ARMC2: variants seen among roughly 807,000 people sequenced by gnomAD.
ARMC2 encodes the protein armadillo repeat-containing protein 2.
ARMC2 carries 67 observed loss-of-function variants against 90.3 expected under a neutral mutation model. The observed-to-expected ratio is 0.74, with a 90% confidence interval of 0.61 to 0.91. ARMC2 has a LOEUF of 0.91. ARMC2 is among the 40% of genes least tolerant of loss of function. ARMC2 has a pLI of 0.00. For synonymous variants in ARMC2, 393 were observed against 393.0 expected, an observed-to-expected ratio of 1.00 and a Z score of 0.00; for missense variants, 920 against 1,030.9, an observed-to-expected ratio of 0.89 and a Z score of 1.47.
At chr6:109,045,438 C>T in the ARMC2 span, among the ~76,000 whole-genome samples, 6 of 149,936 alleles carry the variant, frequency 4.0e-5, no homozygotes, top group Non-Finnish European at 4.4e-5. Flanking sequence ...AAAATAAAAT[C>T]CAGATTCTTC....
chr6:109,046,549 C>G, the ARMC2 span, among the ~76,000 whole-genome samples: 3 of 144,454 alleles, frequency 2.1e-5, no homozygotes, highest in Non-Finnish European at 3.1e-5. Flanking sequence ...CACCCATCGT[C>G]TGGGATGTGA....
intron 12 of ARMC2, among the ~76,000 whole-genome samples, chr6:108,937,833 T>A (rs1361476436): frequency 6.6e-6 from 1 of 152,148 alleles, no homozygotes. Context: ...TAGCTGGGAC[T>A]ACAGGCGTGC....
intron 8 of ARMC2, chr6:108,907,758 G>A (rs1772934794): frequency 1.9e-6 from 3 of 1,610,482 alleles, no homozygotes; most frequent in Non-Finnish European, 2.5e-6. Flanking sequence ...TAACCTCTTT[G>A]AAACGCTCCG....
chr6:108,931,377 T>C (rs1364661537), intron 11 of ARMC2, among the ~76,000 whole-genome samples: 2 of 151,984 alleles, frequency 1.3e-5, no homozygotes, highest in Non-Finnish European at 2.9e-5. Context: ...AGTGCTGCAA[T>C]GAACATTAGC....
intron 13 of ARMC2, among the ~76,000 whole-genome samples, chr6:108,959,747 G>A (rs955266889): frequency 1.3e-5 from 2 of 151,990 alleles, no homozygotes; most frequent in African/African-American, 2.4e-5. Context: ...GTGCAGTGGT[G>A]CAATCTTGGC....
intron 4 of ARMC2, among the ~76,000 whole-genome samples, chr6:108,871,460 A>C (rs1776407713): frequency 6.6e-6 from 1 of 152,174 alleles, no homozygotes; most frequent in Admixed American, 6.5e-5. Context: ...AGGGTTTGCC[A>C]AGATGAGAGG....
intron 4 of ARMC2, among the ~76,000 whole-genome samples, chr6:108,872,051 T>A (rs1351007990): frequency 1.3e-5 from 2 of 152,176 alleles, no homozygotes; most frequent in East Asian, 3.8e-4. Context: ...GCTCCCTGGG[T>A]TTCATTTCAG....
chr6:109,000,687 G>T, the ARMC2 span: 3 of 1,517,588 alleles, frequency 2.0e-6, no homozygotes, highest in African/African-American at 4.2e-5. Context: ...AAAACAAAAA[G>T]ATTATTCTAA....
chr6:108,965,376 T>C (rs2128515711), intron 17 of ARMC2, among the ~76,000 whole-genome samples: 1 of 151,466 alleles, frequency 6.6e-6, no homozygotes, highest in Non-Finnish European at 1.5e-5. Context: ...TATGGCTTTT[T>C]TTTTTTTTTT....
At chr6:108,934,394 G>A (rs942891162) in intron 11 of ARMC2, among the ~76,000 whole-genome samples, 4 of 152,056 alleles carry the variant, frequency 2.6e-5, no homozygotes, top group African/African-American at 9.7e-5. Flanking sequence ...TGCTGGGTTT[G>A]GTTAACTAAT....
intron 5 of ARMC2, among the ~76,000 whole-genome samples, chr6:108,893,903 A>G (rs181200316): frequency 3.0e-4 from 45 of 152,218 alleles, no homozygotes; most frequent in Non-Finnish European, 4.4e-4. Context: ...CTGTAATCCC[A>G]GCTACTGGGG....
At chr6:108,991,075 A>G in the ARMC2 span, among the ~76,000 whole-genome samples, 8 of 149,530 alleles carry the variant, frequency 5.4e-5, no homozygotes, top group Non-Finnish European at 1.0e-4. Flanking sequence ...TCAAAAAAAA[A>G]CAACAACAAA....
At chr6:108,909,271 G>T (rs1399977348) in intron 8 of ARMC2, among the ~76,000 whole-genome samples, 1 of 151,770 alleles carries the variant, frequency 6.6e-6, no homozygotes, top group East Asian at 1.9e-4. Context: ...TAGACATAAT[G>T]TTCACAGTTA....
chr6:108,850,922 G>T (rs1773950675), intron 1 of ARMC2, among the ~76,000 whole-genome samples: 1 of 152,126 alleles, frequency 6.6e-6, no homozygotes, highest in Non-Finnish European at 1.5e-5. Context: ...CTAGCAGGGT[G>T]GGAGAGGCAT....
intron 8 of ARMC2, 126 bp downstream of exon 8, chr6:108,904,531 TTAAGG>T (rs1260766676): frequency 1.1e-6 from 1 of 938,174 alleles, no homozygotes; most frequent in Non-Finnish European, 1.5e-6. Context: ...TGGAAAAAAA[TTAAGG>T]TAATAAACTG....
chr6:108,918,678 G>T (rs1774242883), intron 10 of ARMC2, among the ~76,000 whole-genome samples: 1 of 152,090 alleles, frequency 6.6e-6, no homozygotes, highest in Admixed American at 6.5e-5. Context: ...CCCAGCATAA[G>T]CTGGCCTCTC....
At chr6:109,009,322 G>A in the ARMC2 span, 8 of 1,456,436 alleles carry the variant, frequency 5.5e-6, no homozygotes, top group East Asian at 3.0e-5. Flanking sequence ...CACCCGCCCA[G>A]GTACCCAGCG....
At chr6:108,982,682 AATGT>A in the ARMC2 span, among the ~76,000 whole-genome samples, 3 of 152,162 alleles carry the variant, frequency 2.0e-5, no homozygotes, top group African/African-American at 4.8e-5. Flanking sequence ...AGTGTGAGGT[AATGT>A]GTCTTTGTAA....
chr6:109,036,487 C>T, the ARMC2 span, among the ~76,000 whole-genome samples: 1 of 152,052 alleles, frequency 6.6e-6, no homozygotes. Flanking sequence ...AAGAAACAAA[C>T]CAGTTTCTGA....
Sources: allele counts gnomAD v4.1 joint callset (sites outside exome capture counted in the v4.1 genomes callset), GRCh38; gene constraint gnomAD v4.1.1; transcripts MANE v1.5; gene names NCBI Gene and HGNC (gene_info 2026-07-23, HGNC 2026-07-21).